The following CDC14A variants were observed in gnomAD, a reference collection of about 807,000 sequenced individuals.
CDC14A encodes cell division cycle 14A.
A neutral mutation model predicts 74.4 loss-of-function variants in CDC14A; 53 were observed. That is an observed-to-expected ratio of 0.71 (90% CI 0.57 to 0.89). The LOEUF (loss-of-function observed/expected upper bound fraction) is 0.89, where lower values mean the gene tolerates loss of function less well. CDC14A is among the 40% of genes least tolerant of loss of function. The probability of loss-of-function intolerance (pLI) is 0.00; values close to 1 mark genes in which losing one functional copy is unlikely to be tolerated. For missense variants in CDC14A, 646 were observed against 713.7 expected (o/e 0.91, Z 1.08); for synonymous variants, 247 against 258.4 (o/e 0.96, Z 0.43).
At chr1:100,377,710 A>C (rs1438913574) in intron 3 of CDC14A, 89 bp downstream of exon 3, 2 of 903,050 alleles carry the variant, frequency 2.2e-6, no homozygotes, top group Non-Finnish European at 3.5e-6. Flanking sequence ...CAAAACATTT[A>C]GTCAGGTGAT....
chr1:100,450,009 G>GT (rs796149452), intron 7 of CDC14A, among the ~76,000 whole-genome samples: 12,705 of 145,256 alleles, frequency 0.087, 1,698 homozygotes, highest in African/African-American at 0.29. Context: ...CAAGAGTGAG[G>GT]TTTTTTTTTT....
At chr1:100,389,457 A>AT (rs1657373215) in intron 3 of CDC14A, among the ~76,000 whole-genome samples, 1 of 140,474 alleles carries the variant, frequency 7.1e-6, no homozygotes, top group African/African-American at 3.1e-5. Context: ...GTCTCAAAAA[A>AT]AAAAAATATA....
intron 4 of CDC14A, among the ~76,000 whole-genome samples, chr1:100,396,590 G>C (rs17122387): frequency 0.069 from 10,531 of 152,208 alleles, 790 homozygotes; most frequent in African/African-American, 0.18. Context: ...AAAGTAAAGA[G>C]CATAGACCAA....
chr1:100,372,263 TG>T (rs1654583796), intron 2 of CDC14A, among the ~76,000 whole-genome samples: 1 of 152,298 alleles, frequency 6.6e-6, no homozygotes, highest in African/African-American at 2.4e-5. Flanking sequence ...TGCTGAAGGT[TG>T]GGGTGGCTGT....
intron 5 of CDC14A, among the ~76,000 whole-genome samples, chr1:100,425,959 T>C (rs1662918067): frequency 6.6e-6 from 1 of 152,176 alleles, no homozygotes; most frequent in African/African-American, 2.4e-5. Flanking sequence ...TCGGACAAAT[T>C]ACTTATCCTC....
At chr1:100,349,384 G>A (rs1194829397), upstream of CDC14A, among the ~76,000 whole-genome samples, 3 of 151,996 alleles carry the variant, frequency 2.0e-5, no homozygotes, top group African/African-American at 7.3e-5. Context: ...ATCAAGTTTC[G>A]TGGTTGGAAA....
chr1:100,369,990 A>T (rs494571), intron 2 of CDC14A, among the ~76,000 whole-genome samples: 148,911 of 150,982 alleles, frequency 0.99, 73,443 homozygotes, highest in East Asian at 1. Context: ...AAAAAAAAAA[A>T]TTTTTTTTTT....
At chr1:100,412,723 T>TATATATATATATATATATATATATA (rs1491148182) in intron 4 of CDC14A, among the ~76,000 whole-genome samples, 22 of 83,706 alleles carry the variant, frequency 2.6e-4, no homozygotes, top group African/African-American at 2.1e-3. Context: ...TATATATATA[T>TATATATATATATATATATATATATA]TTTATATATA....
intron 3 of CDC14A, among the ~76,000 whole-genome samples, chr1:100,388,286 T>G (rs1657152275): frequency 6.6e-6 from 1 of 152,174 alleles, no homozygotes; most frequent in African/African-American, 2.4e-5. Context: ...AAACATAACT[T>G]ATTGATGGGG....
At chr1:100,378,070 G>C (rs1356351104) in intron 3 of CDC14A, among the ~76,000 whole-genome samples, 2 of 151,084 alleles carry the variant, frequency 1.3e-5, no homozygotes, top group African/African-American at 2.5e-5. Flanking sequence ...TAAATGTTCT[G>C]TGTAGTTAAC....
At chr1:100,361,112 AC>A (rs1265193923) in intron 2 of CDC14A, among the ~76,000 whole-genome samples, 7 of 148,718 alleles carry the variant, frequency 4.7e-5, no homozygotes, top group South Asian at 2.1e-4. Context: ...AAAAAAAAAA[AC>A]AACAAAAAAC....
chr1:100,477,905 A>C (rs1669081285), intron 10 of CDC14A, among the ~76,000 whole-genome samples: 1 of 152,126 alleles, frequency 6.6e-6, no homozygotes, highest in Non-Finnish European at 1.5e-5. Flanking sequence ...GAGGACCAAA[A>C]TATGTCCAGG....
chr1:100,504,878 T>A, intron 15 of CDC14A: 2 of 1,535,454 alleles, frequency 1.3e-6, no homozygotes, highest in South Asian at 1.2e-5. Context: ...TCCTTACCAA[T>A]TTCTCATCTT....
At chr1:100,358,722 T>A (rs1652260933) in intron 2 of CDC14A, among the ~76,000 whole-genome samples, 1 of 152,246 alleles carries the variant, frequency 6.6e-6, no homozygotes, top group Admixed American at 6.5e-5. Flanking sequence ...AGCAGCCTGA[T>A]ATTAATGCAT....
intron 4 of CDC14A, among the ~76,000 whole-genome samples, chr1:100,422,099 A>T (rs1245196560): frequency 1.3e-5 from 2 of 152,130 alleles, no homozygotes; most frequent in African/African-American, 2.4e-5. Flanking sequence ...GTTGGGTTTC[A>T]CTTTGCACTT....
chr1:100,413,379 C>T (rs1409498103), intron 4 of CDC14A, among the ~76,000 whole-genome samples: 1 of 152,174 alleles, frequency 6.6e-6, no homozygotes, highest in East Asian at 1.9e-4. Flanking sequence ...TGCTTTGTGG[C>T]TTTTGTGTTA....
chr1:100,360,536 G>A (rs1362092642), intron 2 of CDC14A, among the ~76,000 whole-genome samples: 1 of 150,838 alleles, frequency 6.6e-6, no homozygotes, highest in East Asian at 2.0e-4. Context: ...GTAGAGACAG[G>A]GTTTCACCAT....
At chr1:100,358,945 G>A (rs562809553) in intron 2 of CDC14A, among the ~76,000 whole-genome samples, 12 of 152,320 alleles carry the variant, frequency 7.9e-5, no homozygotes, top group African/African-American at 2.4e-4. Flanking sequence ...CAAATTAAAT[G>A]TATAGCAAGT....
chr1:100,393,415 T>G (rs1657982752), intron 4 of CDC14A: 1 of 801,122 alleles, frequency 1.2e-6, no homozygotes, highest in Non-Finnish European at 2.3e-6. Context: ...GTAATGCCAT[T>G]TTTTTGACCA....
Sources: allele counts gnomAD v4.1 joint callset (sites outside exome capture counted in the v4.1 genomes callset), GRCh38; gene constraint gnomAD v4.1.1; transcripts MANE v1.5; gene names NCBI Gene and HGNC (gene_info 2026-07-23, HGNC 2026-07-21).